Variants in CACNG5 observed in about 807,000 individuals in gnomAD.
CACNG5 encodes the protein calcium voltage-gated channel auxiliary subunit gamma 5.
In CACNG5, 18 loss-of-function variants were observed where a neutral mutation model predicts 24.8. The observed-to-expected ratio is 0.73, with a 90% CI of 0.50 to 1.08. The LOEUF (loss-of-function observed/expected upper bound fraction) is 1.08, where lower values mean the gene tolerates loss of function less well. CACNG5 is among the 50% of genes least tolerant of loss of function. The pLI is 0.00. For missense variants in CACNG5, 349 were observed against 367.9 expected (o/e 0.95, Z 0.42); for synonymous variants, 157 against 149.1 (o/e 1.05, Z -0.39).
chr17:66,864,271 T>G (rs2143081748), intron 1 of CACNG5, among the ~76,000 whole-genome samples: 1 of 152,270 alleles, frequency 6.6e-6, no homozygotes, highest in South Asian at 2.1e-4. Flanking sequence ...AGACCCCCAT[T>G]TGAAAGATTG....
chr17:66,886,680 C>T lies in CACNG5; in HGVS notation c.*1440C>T, dbSNP rs759573738. ...TGGTGGCGACACGTGGGCTCCAGCA[C>T]GTAGTCCAGAAAGCTGCACGTCTGG... On this transcript the variant is annotated 3_prime_UTR_variant, in exon 6 of 6. Transcript: ENST00000533854. Among the ~76,000 whole-genome samples the T allele has an allele frequency of 6.6e-6, 1 of 152,336 alleles. No homozygotes were observed. The highest frequency in any genetic ancestry group is 2.1e-4 in the South Asian group (1 of 4,828).
intron 2 of CACNG5, 63 bp from the exon 3 acceptor site, chr17:66,878,909 G>A: frequency 7.4e-7 from 1 of 1,345,006 alleles, no homozygotes; most frequent in Non-Finnish European, 1.1e-6. Flanking sequence ...AATACCATTT[G>A]TATGGACCAA....
rs534197529 is a variant in CACNG5, at chr17:66,890,898, G to T, written c.*5658G>T. On this transcript the variant is annotated 3_prime_UTR_variant, in exon 6 of 6. Coordinates refer to ENST00000533854, the MANE Select transcript of CACNG5 (RefSeq NM_145811.3). Reference sequence around the variant, plus strand: ...CCCTGCCTCCTGATGGAGGCACCCAGATGACAACACTCCAAAGAATGTGGA... The same window carrying T: ...CCCTGCCTCCTGATGGAGGCACCCATATGACAACACTCCAAAGAATGTGGA... Among the ~76,000 whole-genome samples the T allele has an allele frequency of 2.0e-5, 3 of 152,278 alleles. No individual in the cohort carries two copies. The highest frequency in any genetic ancestry group is 2.1e-4 in the South Asian group (1 of 4,826).
intron 1 of CACNG5, among the ~76,000 whole-genome samples, chr17:66,838,970 T>TTTC (rs1976524025): frequency 7.2e-6 from 1 of 138,196 alleles, no homozygotes; most frequent in Non-Finnish European, 1.6e-5. Context: ...CTTTTTTTTT[T>TTTC]TTTTTTTTTG....
At chr17:66,863,476 C>G (rs987947291) in intron 1 of CACNG5, among the ~76,000 whole-genome samples, 2 of 152,078 alleles carry the variant, frequency 1.3e-5, no homozygotes, top group African/African-American at 4.8e-5. Flanking sequence ...AAGCAATTCT[C>G]CTACCTCAGC....
chr17:66,861,387 T>C (rs542521431), intron 1 of CACNG5, among the ~76,000 whole-genome samples: 2 of 152,360 alleles, frequency 1.3e-5, no homozygotes, highest in South Asian at 2.1e-4. Flanking sequence ...CGTAACCCTT[T>C]AAAGAAGATG....
In CACNG5 at chr17:66,887,948, G is replaced by C. The variant is rs960468264; in HGVS notation, c.*2708G>C. ...CTAGTTGCAGCCTCTCCTCAATCAG[G>C]AGACTTTTACCAAACGTTAACATGT... On this transcript the variant is annotated 3_prime_UTR_variant, in exon 6 of 6. Transcript: ENST00000533854. Among the ~76,000 whole-genome samples the C allele has an allele frequency of 1.3e-5, 2 of 152,094 alleles. No individual in the cohort carries two copies. The highest frequency in any genetic ancestry group is 2.4e-5 in the African/African-American group (1 of 41,410).
At chr17:66,848,474 C>T (rs76601607) in intron 1 of CACNG5, among the ~76,000 whole-genome samples, 2,015 of 152,298 alleles carry the variant, frequency 0.013, 46 homozygotes, top group African/African-American at 0.046. Context: ...GCCCTGCACA[C>T]GGTCACCTCA....
chr17:66,858,782 C>T lies in CACNG5; in HGVS notation c.-103-18448C>T, dbSNP rs1022757425. 9.9e-5 allele frequency among the ~76,000 whole-genome samples: 15 copies of T among 151,226 alleles called. No individual in the cohort carries two copies. The Admixed American group carries it at 9.9e-4, about 10-fold the overall frequency. On this transcript the variant is annotated intron_variant, in intron 1 of 5. Transcript: ENST00000533854. ...GGTGTCCCTCCCCAGGCCTCTTATTCTGCCATCCAGTCAGGAGATAGTAAC... is the reference window on the plus strand; with the variant it reads ...GGTGTCCCTCCCCAGGCCTCTTATTTTGCCATCCAGTCAGGAGATAGTAAC...
chr17:66,882,730 A>G (rs926545871), intron 4 of CACNG5, among the ~76,000 whole-genome samples: 1 of 152,162 alleles, frequency 6.6e-6, no homozygotes, highest in African/African-American at 2.4e-5. Flanking sequence ...AATGGCTTGA[A>G]TAATTGATAG....
Position 66,885,002 on chromosome 17 carries a change from T to C in CACNG5, c.590T>C (p.Val197Ala), listed in dbSNP as rs1977234098. Reference sequence around the variant, plus strand: ...CTGTAGAGTGCCGGGGTGATGTCTGTGTACCTGTTTATGAAGCGGTACACC... The same window carrying C: ...CTGTAGAGTGCCGGGGTGATGTCTGCGTACCTGTTTATGAAGCGGTACACC... ...LLTESAGVMS[V>A]YLFMKRYTAE... The change falls in exon 6 of 6, where the codon GTG (valine) becomes GCG (alanine). Residue 197 changes from valine (V) to alanine (A), a missense_variant. Coordinates refer to ENST00000533854, the MANE Select transcript of CACNG5 (RefSeq NM_145811.3). The C allele has an allele frequency of 1.2e-6, 2 of 1,614,014 alleles. No individual in the cohort carries two copies. Among genetic ancestry groups the C allele is most frequent in the Middle Eastern group, 1.6e-4 (1 of 6,084 alleles).
chr17:66,835,945 T>G lies in CACNG5; in HGVS notation c.-104+695T>G, dbSNP rs189727462. 2.0e-5 allele frequency among the ~76,000 whole-genome samples: 3 copies of G among 152,358 alleles called. No homozygotes were observed. The East Asian group carries it at 5.8e-4, about 29-fold the overall frequency. Reference sequence around the variant, plus strand: ...ACCTCTCATTGTGATTCCCCGATCTTTGCTCTCATCCTAATTTGGCAGTTG... The same window carrying G: ...ACCTCTCATTGTGATTCCCCGATCTGTGCTCTCATCCTAATTTGGCAGTTG... On this transcript the variant is annotated intron_variant, in intron 1 of 5. Coordinates refer to ENST00000533854, the MANE Select transcript of CACNG5 (RefSeq NM_145811.3).
intron 1 of CACNG5, among the ~76,000 whole-genome samples, chr17:66,864,725 A>C (rs969749654): frequency 2.6e-5 from 4 of 152,076 alleles, no homozygotes; most frequent in Non-Finnish European, 5.9e-5. Context: ...GGTAGTTCCC[A>C]CTCATTTATG....
In CACNG5 at chr17:66,887,729, A is replaced by G. The variant is rs1977282508; in HGVS notation, c.*2489A>G. On this transcript the variant is annotated 3_prime_UTR_variant, in exon 6 of 6. Transcript: ENST00000533854. ...CAAGTTGATTGTGGACTCAGACATCACTAGGTTCGGTCTTCACTGGCCCTG... is the reference window on the plus strand; with the variant it reads ...CAAGTTGATTGTGGACTCAGACATCGCTAGGTTCGGTCTTCACTGGCCCTG... Among the ~76,000 whole-genome samples the G allele has an allele frequency of 6.6e-6, 1 of 152,166 alleles. No individual in the cohort carries two copies. Among genetic ancestry groups the G allele is most frequent in the Non-Finnish European group, 1.5e-5 (1 of 68,024 alleles).
At chr17:66,845,751 C>T (rs1034520071) in intron 1 of CACNG5, among the ~76,000 whole-genome samples, 1 of 152,188 alleles carries the variant, frequency 6.6e-6, no homozygotes, top group African/African-American at 2.4e-5. Flanking sequence ...TGCCCTGTGT[C>T]TCCTTTGCCC....
chr17:66,850,841 A>G, intron 1 of CACNG5, among the ~76,000 whole-genome samples: 1 of 152,192 alleles, frequency 6.6e-6, no homozygotes, highest in East Asian at 1.9e-4. Context: ...AGCACTTCAG[A>G]AGGTTTTAAA....
intron 3 of CACNG5, among the ~76,000 whole-genome samples, chr17:66,879,664 T>C (rs1977130903): frequency 6.6e-6 from 1 of 152,122 alleles, no homozygotes; most frequent in South Asian, 2.1e-4. Flanking sequence ...TAGGGCAAGG[T>C]CTGGGGGTGG....
At chr17:66,855,126 A>T (rs890602696) in intron 1 of CACNG5, among the ~76,000 whole-genome samples, 3 of 152,186 alleles carry the variant, frequency 2.0e-5, no homozygotes, top group Non-Finnish European at 4.4e-5. Flanking sequence ...CACCCCTTAA[A>T]CACCCCCCAA....
Position 66,891,779 on chromosome 17 carries a change from A to G in CACNG5, c.*6539A>G, listed in dbSNP as rs529631048. 4.6e-5 allele frequency among the ~76,000 whole-genome samples: 7 copies of G among 152,222 alleles called. No homozygotes were observed. Among genetic ancestry groups the G allele is most frequent in the Admixed American group, 1.3e-4 (2 of 15,286 alleles). On this transcript the variant is annotated 3_prime_UTR_variant, in exon 6 of 6. Transcript: ENST00000533854. ...CATGAGAGATGGGATCTATGGTAGC[A>G]ACCACCTTTGAGAAACACGATCTGC...
Sources: allele counts gnomAD v4.1 joint callset (sites outside exome capture counted in the v4.1 genomes callset), GRCh38; gene constraint gnomAD v4.1.1; transcripts MANE v1.5; gene names NCBI Gene and HGNC (gene_info 2026-07-23, HGNC 2026-07-21).